The following CCDC141 variants were observed in gnomAD, a reference collection of about 807,000 sequenced individuals.
CCDC141 encodes the protein coiled-coil domain containing 141, also known as coiled-coil domain-containing protein 141.
Under a neutral mutation model 181.0 loss-of-function variants are expected in CCDC141, and 168 were observed. The ratio of observed to expected loss-of-function variants is 0.93; its 90% CI spans 0.82 to 1.05. The LOEUF is 1.05. Among genes scored for constraint, CCDC141 ranks in the 50% least tolerant of loss-of-function variants. The pLI, the probability that CCDC141 is intolerant of heterozygous loss-of-function variation, is 0.00. For missense variants in CCDC141, 1,902 were observed against 1,788.5 expected (o/e 1.06, Z -1.14); for synonymous variants, 666 against 642.3 (o/e 1.04, Z -0.56).
chr2:178,853,390 G>A, intron 20 of CCDC141, 51 bp downstream of exon 20: 1 of 1,534,846 alleles, frequency 6.5e-7, no homozygotes, highest in Non-Finnish European at 9.0e-7. Flanking sequence ...ATTAGGCTCA[G>A]TATAGATTTG....
downstream of CCDC141, among the ~76,000 whole-genome samples, chr2:178,828,391 T>A (rs879539111): frequency 6.6e-6 from 1 of 152,188 alleles, no homozygotes; most frequent in Non-Finnish European, 1.5e-5. Context: ...CAGCTTTCCA[T>A]AGACCCCATT....
chr2:178,929,184 T>G (rs897496772), intron 6 of CCDC141, among the ~76,000 whole-genome samples: 2 of 152,188 alleles, frequency 1.3e-5, no homozygotes, highest in Admixed American at 1.3e-4. Flanking sequence ...AAACAGACTC[T>G]CTTTCATTTT....
intron 2 of CCDC141, among the ~76,000 whole-genome samples, chr2:179,014,257 T>C (rs567959154): frequency 2.0e-5 from 3 of 152,096 alleles, no homozygotes; most frequent in Non-Finnish European, 4.4e-5. Context: ...TCTCACCTTA[T>C]ACAAAAACCA....
At chr2:178,906,944 C>T (rs1412634844) in intron 7 of CCDC141, among the ~76,000 whole-genome samples, 1 of 152,134 alleles carries the variant, frequency 6.6e-6, no homozygotes, top group African/African-American at 2.4e-5. Flanking sequence ...GGACAAAATT[C>T]AAAGTTATGA....
At chr2:178,867,517 T>G (rs1370515114) in intron 16 of CCDC141, among the ~76,000 whole-genome samples, 1 of 152,192 alleles carries the variant, frequency 6.6e-6, no homozygotes, top group Non-Finnish European at 1.5e-5. Flanking sequence ...TTGAGCTTCC[T>G]CATTTGTTGC....
In CCDC141 at chr2:179,005,459, A is replaced by C. The variant is rs914335897; in HGVS notation, c.226-26784T>G. On this transcript the variant is annotated intron_variant, in intron 2 of 23. Transcript: ENST00000443758. ...TGAGATGCATTTAGAGATTATTTAC[A>C]TATGTGATTCATCTATTAAAAAACA... 2.6e-5 allele frequency among the ~76,000 whole-genome samples: 4 copies of C among 152,206 alleles called. No individual in the cohort carries two copies. The East Asian group carries it at 7.7e-4, about 29-fold the overall frequency.
At chr2:178,956,413 C>G (rs1469508487) in intron 5 of CCDC141, among the ~76,000 whole-genome samples, 1 of 152,220 alleles carries the variant, frequency 6.6e-6, no homozygotes, top group Non-Finnish European at 1.5e-5. Flanking sequence ...CCATCCATCT[C>G]AGCCTCCCAA....
intron 22 of CCDC141, among the ~76,000 whole-genome samples, chr2:178,842,545 C>T (rs1684769532): frequency 6.6e-6 from 1 of 152,210 alleles, no homozygotes; most frequent in Admixed American, 6.5e-5. Flanking sequence ...AGGGAGAATA[C>T]AGTGATATTC....
chr2:178,982,230 G>A (rs1018625586), intron 2 of CCDC141, among the ~76,000 whole-genome samples: 1 of 152,146 alleles, frequency 6.6e-6, no homozygotes, highest in Non-Finnish European at 1.5e-5. Flanking sequence ...AAGAAATGAT[G>A]CTAAAGCTAC....
At chr2:178,919,561 CT>C (rs768454612) in intron 6 of CCDC141, among the ~76,000 whole-genome samples, 8 of 152,180 alleles carry the variant, frequency 5.3e-5, no homozygotes, top group Non-Finnish European at 1.0e-4. Context: ...AATATACCCC[CT>C]ATACAATGAA....
chr2:178,862,757 C>T (rs2154368279), intron 17 of CCDC141, among the ~76,000 whole-genome samples: 1 of 152,166 alleles, frequency 6.6e-6, no homozygotes, highest in Non-Finnish European at 1.5e-5. Flanking sequence ...GGTTTTTTCT[C>T]AAAGATAAAG....
At chr2:178,886,374 G>A (rs1187371726) in intron 10 of CCDC141, among the ~76,000 whole-genome samples, 1 of 152,172 alleles carries the variant, frequency 6.6e-6, no homozygotes, top group South Asian at 2.1e-4. Flanking sequence ...AATAACGCAC[G>A]TTGCTTCTGG....
chr2:178,981,170 A>G (rs1273350704), intron 2 of CCDC141, among the ~76,000 whole-genome samples: 2 of 152,206 alleles, frequency 1.3e-5, no homozygotes, highest in Non-Finnish European at 2.9e-5. Flanking sequence ...ACATCCTTCT[A>G]TCAGTAATCA....
intron 2 of CCDC141, among the ~76,000 whole-genome samples, chr2:179,009,983 A>G (rs1165055344): frequency 1.3e-5 from 2 of 152,198 alleles, no homozygotes; most frequent in Non-Finnish European, 1.5e-5. Flanking sequence ...AACTTTGGAC[A>G]CACTTTTAGA....
At chr2:179,039,228 A>G (rs2043228479) in intron 2 of CCDC141, among the ~76,000 whole-genome samples, 1 of 152,204 alleles carries the variant, frequency 6.6e-6, no homozygotes, top group Non-Finnish European at 1.5e-5. Flanking sequence ...AGAAGGGAAA[A>G]TAAGATCTCT....
the CCDC141 span, among the ~76,000 whole-genome samples, chr2:178,824,343 C>G: frequency 6.6e-6 from 1 of 152,104 alleles, no homozygotes; most frequent in Non-Finnish European, 1.5e-5. Flanking sequence ...AAGAAAAAGT[C>G]AGCTGTGGCC....
chr2:179,040,085 G>T (rs1196701884), intron 2 of CCDC141, among the ~76,000 whole-genome samples: 2 of 152,120 alleles, frequency 1.3e-5, no homozygotes, highest in Non-Finnish European at 2.9e-5. Flanking sequence ...ACCTTAAGAG[G>T]TTATGGCTAG....
At chr2:178,907,495 T>G (rs1488354395) in intron 7 of CCDC141, among the ~76,000 whole-genome samples, 1 of 152,240 alleles carries the variant, frequency 6.6e-6, no homozygotes, top group African/African-American at 2.4e-5. Context: ...TAAAACTTAC[T>G]TTTTGTAAAT....
At position 178,886,875 on chromosome 2, in the gene CCDC141, T is replaced by C. The variant is rs779588606; in HGVS notation, c.1408-4A>G. ...TTTTCTGAATTGACATTTCCACCTT[T>C]AGGAGTGAATAATATATGGCAGTCT... On this transcript the variant is annotated splice_region_variant and splice_polypyrimidine_tract_variant and intron_variant, in intron 9 of 23. Coordinates refer to ENST00000443758, the MANE Select transcript of CCDC141 (RefSeq NM_173648.4). 104 of 1,398,936 alleles carry C rather than the reference T, an allele frequency of 7.4e-5. No homozygotes were observed. The highest frequency in any genetic ancestry group is 2.0e-4 in the Admixed American group (6 of 29,388). The allele number at this position is 1,398,936 out of a possible 1,614,324, so 86.7% of individuals were successfully genotyped here.
Sources: allele counts gnomAD v4.1 joint callset (sites outside exome capture counted in the v4.1 genomes callset), GRCh38; gene constraint gnomAD v4.1.1; transcripts MANE v1.5; gene names NCBI Gene and HGNC (gene_info 2026-07-23, HGNC 2026-07-21).